CAPN10: variants seen among roughly 807,000 people sequenced by gnomAD.
CAPN10 encodes the protein calpain-10.
A neutral mutation model predicts 78.4 loss-of-function variants in CAPN10; 71 were observed. That is an observed-to-expected ratio of 0.91 (90% confidence interval 0.75 to 1.10). The LOEUF is 1.10. Ranked by LOEUF, CAPN10 falls within the 50% of genes least tolerant of loss-of-function variation. The pLI, the probability that CAPN10 is intolerant of heterozygous loss-of-function variation, is 0.00. For missense variants in CAPN10, 849 were observed against 924.6 expected, an observed-to-expected ratio of 0.92 and a Z score of 1.06; for synonymous variants, 437 against 407.2, an observed-to-expected ratio of 1.07 and a Z score of -0.88.
In CAPN10 at chr2:240,588,969, G is replaced by C. The variant is rs562476748; in HGVS notation, c.142-374G>C. Among the ~76,000 whole-genome samples the C allele has an allele frequency of 2.3e-5, 3 of 127,684 alleles. No individual in the cohort carries two copies. The Admixed American group carries it at 2.5e-4, about 11-fold the overall frequency. 83.8% of individuals were successfully genotyped at this position (127,684 alleles called of 152,430 possible). ...AAAGGGGAAGGTATATGATAGTTAG[G>C]GGGTGTGGGAAATGGAGCCTGCTAG... On this transcript the variant is annotated intron_variant, in intron 1 of 11. Transcript: ENST00000391984.
At chr2:240,598,543 A>C (rs2093151958) in intron 11 of CAPN10, 108 bp from the exon 12 acceptor site, 1 of 1,461,166 alleles carries the variant, frequency 6.8e-7, no homozygotes, top group Admixed American at 1.9e-5. Flanking sequence ...CGGTGCCTTG[A>C]AGGGCAGGGG....
intron 4 of CAPN10, among the ~76,000 whole-genome samples, 166 bp downstream of exon 4, chr2:240,592,316 C>T (rs1227100315): frequency 1.3e-5 from 2 of 152,188 alleles, no homozygotes; most frequent in African/African-American, 2.4e-5. Flanking sequence ...TGTGACCTTC[C>T]CCTACTGTCC....
At chr2:240,592,707 C>A in intron 4 of CAPN10, 1 of 349,352 alleles carries the variant, frequency 2.9e-6, no homozygotes, top group South Asian at 2.2e-5. Context: ...AGTGCGCTCT[C>A]AGTTTTCCAT....
Position 240,596,718 on chromosome 2 carries a change from G to A in CAPN10, c.1519G>A (p.Ala507Thr). The A allele has an allele frequency of 6.3e-7, 1 of 1,578,292 alleles. No homozygotes were observed. The change falls in exon 9 of 12, where the codon GCA (alanine) becomes ACA (threonine). Residue 507 changes from alanine to threonine, a missense_variant. Physicochemically the swap from Ala to Thr is moderately conservative, Grantham distance 58 (BLOSUM62 0). Coordinates refer to ENST00000391984, the MANE Select transcript of CAPN10 (RefSeq NM_023083.4). The stretch of plus-strand genomic sequence containing the variant: ...AGTGGCCAAGAACACCACCCCCGGG[G>A]CAGCCCTGCCTGCGGGGGAGTGGGG... ...RAVAKNTTPG[A>T]ALPAGEWGTV... is the part of the protein sequence containing the mutation.
At chr2:240,595,432 C>A (rs992283859) in intron 7 of CAPN10, 128 bp downstream of exon 7, 61 of 1,020,642 alleles carry the variant, frequency 6.0e-5, no homozygotes, top group Non-Finnish European at 8.0e-5. Context: ...AGTCTCCCCC[C>A]TCCTTGGGCT....
chr2:240,589,209 C>G (rs545434013), intron 1 of CAPN10, 134 bp from the exon 2 acceptor site: 4 of 1,172,478 alleles, frequency 3.4e-6, no homozygotes, highest in Non-Finnish European at 5.1e-6. Flanking sequence ...AAACCACCTT[C>G]CTGTCCCTTT....
In CAPN10 at chr2:240,591,058, C is replaced by T; in HGVS notation, c.470+47C>T. The stretch of plus-strand genomic sequence containing the variant: ...GGGCCTGGCCTGGGGCAAGTGGGAG[C>T]TGCCACTACCATGGGCTGCCCCAGG... On this transcript the variant is annotated intron_variant, in intron 3 of 11. Coordinates refer to ENST00000391984, the MANE Select transcript of CAPN10 (RefSeq NM_023083.4). 5.1e-6 allele frequency: 8 copies of T among 1,560,762 alleles called. 1 individual carries two copies. Among genetic ancestry groups the T allele is most frequent in the Non-Finnish European group, 7.0e-6 (8 of 1,137,958 alleles).
intron 2 of CAPN10, 115 bp downstream of exon 2, chr2:240,589,589 T>C: frequency 7.5e-7 from 1 of 1,325,292 alleles, no homozygotes; most frequent in East Asian, 2.3e-5. Context: ...CCGGATCTCC[T>C]GCTGTGTTGG....
chr2:240,591,584 C>T (rs988489634), intron 3 of CAPN10: 1 of 348,088 alleles, frequency 2.9e-6, no homozygotes. Flanking sequence ...GTGAGCCCTT[C>T]CATCCCAAGG....
At chr2:240,592,626 C>A in intron 4 of CAPN10, 2 of 394,468 alleles carry the variant, frequency 5.1e-6, no homozygotes, top group South Asian at 3.8e-5. Context: ...GCCTGGGCAA[C>A]ATGGCAAGAT....
Position 240,591,992 on chromosome 2 carries a change from T to C in CAPN10, c.530T>C (p.Leu177Pro). Residue 177 changes from leucine (L) to proline (P), a missense_variant, in exon 4 of 12, where the codon CTG (leucine) becomes CCG (proline). Physicochemically the swap from Leu to Pro is moderately conservative, Grantham distance 98. Transcript: ENST00000391984. ...AGQVADALVD[L>P]TGGLAERWNL... is the part of the protein sequence containing the mutation. Reference sequence around the variant, plus strand: ...CAGGTGGCGGATGCCCTGGTGGACCTGACCGGCGGCCTGGCAGAAAGATGG... The same window carrying C: ...CAGGTGGCGGATGCCCTGGTGGACCCGACCGGCGGCCTGGCAGAAAGATGG... The C allele has an allele frequency of 1.2e-6, 2 of 1,613,406 alleles. No homozygotes were observed. The highest frequency in any genetic ancestry group is 1.7e-5 in the Admixed American group (1 of 60,010).
At position 240,594,672 on chromosome 2, in the gene CAPN10, G is replaced by A. The variant is rs201300160; in HGVS notation, c.960G>A (p.Pro320=). ...TTGACGAGCTCACCGTTGGCTACCC[G>A]GTCACGGAGGCCGGCCACCTGCAGA... is the stretch of plus-strand genomic sequence containing the variant. The part of the protein sequence containing the change: ...REFDELTVGY[P]VTEAGHLQSL... Residue 320 remains proline (P), a synonymous_variant, in exon 6 of 12, where the codon CCG becomes CCA. Coordinates refer to ENST00000391984, the MANE Select transcript of CAPN10 (RefSeq NM_023083.4). 123 of 1,613,724 alleles carry A rather than the reference G, an allele frequency of 7.6e-5. No homozygotes were observed. In the East Asian group the frequency reaches 1.7e-3, roughly 22 times the overall value.
chr2:240,589,601 G>A, intron 2 of CAPN10, 127 bp downstream of exon 2: 1 of 1,231,824 alleles, frequency 8.1e-7, no homozygotes, highest in Middle Eastern at 2.9e-4. Context: ...CTGTGTTGGG[G>A]GAAGGCAGGA....
intron 7 of CAPN10, among the ~76,000 whole-genome samples, chr2:240,595,570 C>T (rs1467782925): frequency 6.6e-6 from 1 of 152,218 alleles, no homozygotes. Flanking sequence ...AGGGCAGGAC[C>T]CGCAGGAGGG....
In CAPN10 at chr2:240,597,974, G is replaced by C. The variant is rs2093147928; in HGVS notation, c.1830G>C (p.Gln610His). ...LLSCVPHRYA[Q>H]EVSRLCLLPA... ...GCTGCGTGCCACATCGCTACGCCCA[G>C]GAGGTGAGCCGGCTCTGCCTCCTGC... Residue 610 changes from glutamine (Q) to histidine (H), a missense_variant, in exon 10 of 12, where the codon CAG becomes CAC. Coordinates refer to ENST00000391984, the MANE Select transcript of CAPN10 (RefSeq NM_023083.4). The C allele has an allele frequency of 6.2e-7, 1 of 1,613,122 alleles. No homozygotes were observed. The highest frequency in any genetic ancestry group is 8.5e-7 in the Non-Finnish European group (1 of 1,179,964).
intron 6 of CAPN10, 78 bp from the exon 7 acceptor site, chr2:240,594,946 A>C: frequency 6.7e-7 from 1 of 1,494,366 alleles, no homozygotes; most frequent in South Asian, 1.2e-5. Context: ...AGACCCTGCC[A>C]GGGTTCATGA....
intron 2 of CAPN10, chr2:240,589,809 G>A: frequency 8.0e-6 from 2 of 248,738 alleles, no homozygotes; most frequent in Non-Finnish European, 1.5e-5. Flanking sequence ...GGGCTGGCTG[G>A]CAGCCTCTGC....
At chr2:240,590,597 T>A (rs992839408) in intron 2 of CAPN10, 2 of 540,206 alleles carry the variant, frequency 3.7e-6, no homozygotes, top group Non-Finnish European at 6.7e-6. Context: ...AGGTGTGCCG[T>A]AGAGTTCTCT....
chr2:240,595,159 A>G lies in CAPN10; in HGVS notation c.1133A>G (p.Tyr378Cys). ...CGGGTCTCAGAACCGAGTGAGGTGT[A>G]CATTGCCGTCCTGCAGAGATCCAGG... ...WLRVSEPSEV[Y>C]IAVLQRSRLH... Residue 378 changes from tyrosine to cysteine, a missense_variant, in exon 7 of 12, where the codon TAC becomes TGC. Physicochemically the swap from Tyr to Cys is radical, Grantham distance 194. Coordinates refer to ENST00000391984, the MANE Select transcript of CAPN10 (RefSeq NM_023083.4). The G allele has an allele frequency of 2.5e-6, 4 of 1,613,928 alleles. No individual in the cohort carries two copies. Among genetic ancestry groups the G allele is most frequent in the East Asian group, 2.2e-5 (1 of 44,868 alleles).
Sources: allele counts gnomAD v4.1 joint callset (sites outside exome capture counted in the v4.1 genomes callset), GRCh38; gene constraint gnomAD v4.1.1; transcripts MANE v1.5; gene names NCBI Gene and HGNC (gene_info 2026-07-23, HGNC 2026-07-21).